Variants in EFNA5 observed in about 807,000 individuals in gnomAD.
EFNA5 encodes ephrin-A5.
In EFNA5, 5 loss-of-function variants were observed where a neutral mutation model predicts 22.9. The ratio of observed to expected loss-of-function variants is 0.22; its 90% CI spans 0.11 to 0.46. The LOEUF (loss-of-function observed/expected upper bound fraction) is 0.46, where lower values mean the gene tolerates loss of function less well. Among genes scored for constraint, EFNA5 ranks in the 20% least tolerant of loss-of-function variants. The pLI, the probability that EFNA5 is intolerant of heterozygous loss-of-function variation, is 0.99. For missense variants in EFNA5, 237 were observed against 293.3 expected (o/e 0.81, Z 1.40); for synonymous variants, 113 against 112.2 (o/e 1.01, Z -0.04).
chr5:107,398,999 T>A (rs1419803096), intron 2 of EFNA5, among the ~76,000 whole-genome samples: 1 of 152,124 alleles, frequency 6.6e-6, no homozygotes, highest in African/African-American at 2.4e-5. Flanking sequence ...AAGGTCCTTG[T>A]CCGAGAACTA....
intron 1 of EFNA5, among the ~76,000 whole-genome samples, chr5:107,635,014 C>A (rs1044008639): frequency 1.3e-5 from 2 of 152,142 alleles, no homozygotes; most frequent in African/African-American, 4.8e-5. Flanking sequence ...TAGAAATATT[C>A]CAAAATTAAT....
chr5:107,485,919 C>G (rs1746606007), intron 1 of EFNA5, among the ~76,000 whole-genome samples: 2 of 151,980 alleles, frequency 1.3e-5, no homozygotes, highest in Admixed American at 1.3e-4. Context: ...GATTTGTTTT[C>G]TATTGAACCT....
chr5:107,612,492 T>C (rs1749837336), intron 1 of EFNA5, among the ~76,000 whole-genome samples: 1 of 151,950 alleles, frequency 6.6e-6, no homozygotes, highest in Non-Finnish European at 1.5e-5. Context: ...CTTTTTAAAA[T>C]ATAATTTGAA....
At position 107,670,716 on chromosome 5, in the gene EFNA5, A is replaced by G. The variant is rs1221245944; in HGVS notation, c.-103T>C. On this transcript the variant is annotated 5_prime_UTR_variant, in exon 1 of 5. Coordinates refer to ENST00000333274, the MANE Select transcript of EFNA5 (RefSeq NM_001962.3). ...AAGGGACAGAGAGAGAGCGGGCGCCAAATAAATATGAATAAATAAAAATGA... is the reference window on the plus strand; with the variant it reads ...AAGGGACAGAGAGAGAGCGGGCGCCGAATAAATATGAATAAATAAAAATGA... The G allele has an allele frequency of 1.0e-5, 15 of 1,471,192 alleles. No individual in the cohort carries two copies. In the Admixed American group the frequency reaches 3.4e-4, roughly 33 times the overall value. 91.1% of individuals were successfully genotyped at this position (1,471,192 alleles called of 1,614,324 possible). A position where few individuals can be genotyped will look rare whatever the true frequency, so the allele number is the denominator to read the frequency against.
intron 1 of EFNA5, among the ~76,000 whole-genome samples, chr5:107,572,217 C>T (rs566976287): frequency 6.6e-6 from 1 of 151,818 alleles, no homozygotes; most frequent in Admixed American, 6.6e-5. Context: ...GTGCTGAACT[C>T]CGCCTCTTGG....
intron 1 of EFNA5, among the ~76,000 whole-genome samples, chr5:107,632,135 T>G (rs1444836329): frequency 1.3e-5 from 2 of 152,216 alleles, no homozygotes; most frequent in East Asian, 3.8e-4. Context: ...CTTTTCTCTT[T>G]ACTTACCTCT....
intron 1 of EFNA5, among the ~76,000 whole-genome samples, chr5:107,514,880 T>C (rs1216010966): frequency 6.6e-6 from 1 of 152,174 alleles, no homozygotes; most frequent in African/African-American, 2.4e-5. Flanking sequence ...AGCAAGGGCA[T>C]GGGAGTCCTT....
At position 107,482,856 on chromosome 5, in the gene EFNA5, C is replaced by T. The variant is rs1273466810; in HGVS notation, c.126-55347G>A. On this transcript the variant is annotated intron_variant, in intron 1 of 4. Transcript: ENST00000333274. The stretch of plus-strand genomic sequence containing the variant: ...TGTCTCTCTCTCTCTCTCTCTCTCT[C>T]TCTCTCTCTCTCTCTATATATATAT... Among the ~76,000 whole-genome samples the T allele has an allele frequency of 1.3e-3, 98 of 75,416 alleles. 2 individuals are homozygous for T. Among genetic ancestry groups the T allele is most frequent in the African/African-American group, 5.2e-3 (97 of 18,500 alleles). The allele number at this position is 75,416 out of a possible 152,430, so 49.5% of individuals were successfully genotyped here.
chr5:107,458,104 T>C (rs1749742097), intron 1 of EFNA5, among the ~76,000 whole-genome samples: 2 of 152,208 alleles, frequency 1.3e-5, no homozygotes, highest in African/African-American at 2.4e-5. Flanking sequence ...ATTGTTGGGC[T>C]TGGCTACCAG....
rs186934435 is a variant in EFNA5, at chr5:107,629,805, C to G, written c.125+40684G>C. On this transcript the variant is annotated intron_variant, in intron 1 of 4. Coordinates refer to ENST00000333274, the MANE Select transcript of EFNA5 (RefSeq NM_001962.3). ...GGCATGGTGGCTCATGCCTGTAATC[C>G]CAGCACTTTGGGAGGCTGAGAAGGG... Among the ~76,000 whole-genome samples, 354 of 152,136 alleles carry G rather than the reference C, an allele frequency of 2.3e-3. 2 individuals are homozygous for G. The highest frequency in any genetic ancestry group is 4.0e-3 in the Non-Finnish European group (269 of 67,994).
At chr5:107,484,181 A>C (rs1750555443) in intron 1 of EFNA5, among the ~76,000 whole-genome samples, 1 of 152,182 alleles carries the variant, frequency 6.6e-6, no homozygotes, top group Non-Finnish European at 1.5e-5. Context: ...CAACTGCTGA[A>C]CACCTTTAGC....
chr5:107,471,126 A>C (rs1026802878), intron 1 of EFNA5, among the ~76,000 whole-genome samples: 1 of 152,106 alleles, frequency 6.6e-6, no homozygotes, highest in Non-Finnish European at 1.5e-5. Context: ...TAGGAACCCC[A>C]GTGACTCCCT....
intron 1 of EFNA5, among the ~76,000 whole-genome samples, chr5:107,629,701 C>T (rs1750208407): frequency 1.3e-5 from 2 of 152,186 alleles, no homozygotes; most frequent in Admixed American, 6.5e-5. Context: ...GCCCACAGGC[C>T]ACATGTGGCC....
Position 107,378,547 on chromosome 5 carries a change from A to T in EFNA5, c.*2708T>A, listed in dbSNP as rs1288272590. On this transcript the variant is annotated 3_prime_UTR_variant, in exon 5 of 5. Transcript: ENST00000333274. ...CACCAACACTTTTTAAACAAAGTGA[A>T]AACTGTCTGACACCAATCATCTTGA... 6.6e-6 allele frequency: 1 copy of T among 152,252 alleles called. No homozygotes were observed. The highest frequency in any genetic ancestry group is 1.5e-5 in the Non-Finnish European group (1 of 68,048). 9.4% of individuals were successfully genotyped at this position (152,252 alleles called of 1,614,324 possible).
chr5:107,568,344 G>C (rs1002443611), intron 1 of EFNA5, among the ~76,000 whole-genome samples: 3 of 152,208 alleles, frequency 2.0e-5, no homozygotes, highest in African/African-American at 7.2e-5. Flanking sequence ...AGATCGTGGG[G>C]AGAGAACAAC....
At chr5:107,503,180 C>A (rs1456020645) in intron 1 of EFNA5, among the ~76,000 whole-genome samples, 2 of 152,138 alleles carry the variant, frequency 1.3e-5, no homozygotes, top group Non-Finnish European at 2.9e-5. Flanking sequence ...GTCTACTATG[C>A]AGGATCGTTT....
intron 1 of EFNA5, among the ~76,000 whole-genome samples, chr5:107,452,362 C>T (rs1268028280): frequency 3.3e-5 from 5 of 151,956 alleles, no homozygotes; most frequent in African/African-American, 9.7e-5. Flanking sequence ...CAGACTTATA[C>T]AGCTGACATT....
chr5:107,525,788 G>C (rs1747684086), intron 1 of EFNA5, among the ~76,000 whole-genome samples: 1 of 151,984 alleles, frequency 6.6e-6, no homozygotes, highest in African/African-American at 2.4e-5. Context: ...AGGCTGAAGG[G>C]GAGGCAGGAG....
chr5:107,416,453 T>G (rs917716881), intron 2 of EFNA5, among the ~76,000 whole-genome samples: 1 of 152,158 alleles, frequency 6.6e-6, no homozygotes, highest in Non-Finnish European at 1.5e-5. Flanking sequence ...ACTTAACCTC[T>G]CTGAGCCTCA....
Sources: gnomAD v4.1 joint callset for allele counts (sites outside exome capture counted in the v4.1 genomes callset) on GRCh38, gnomAD v4.1.1 for gene constraint, MANE v1.5 for transcripts, NCBI Gene and HGNC (gene_info 2026-07-23, HGNC 2026-07-21) for gene names.